Variants in SEC14L5 observed in about 807,000 individuals in gnomAD.
SEC14L5 encodes the protein SEC14-like protein 5.
A neutral mutation model predicts 84.6 loss-of-function variants in SEC14L5; 96 were observed. The ratio of observed to expected loss-of-function variants is 1.13; its 90% CI spans 0.96 to 1.34. SEC14L5 has a LOEUF of 1.34. Ranked by LOEUF, SEC14L5 falls within the 40% of genes most tolerant of loss-of-function variation. The pLI is 0.00. For missense variants in SEC14L5, 1,224 were observed against 942.5 expected, an observed-to-expected ratio of 1.30 and a Z score of -3.91; for synonymous variants, 546 against 383.4, an observed-to-expected ratio of 1.42 and a Z score of -4.95.
In SEC14L5 at chr16:5,003,579, A is replaced by G. The variant is rs1182569219; in HGVS notation, c.1302+6A>G. Reference sequence around the variant, plus strand: ...TCCCCGTGCTCTGGACACTGGTAAGAGCTGGAGCCTGGGCCAGGACTCTCC... The same window carrying G: ...TCCCCGTGCTCTGGACACTGGTAAGGGCTGGAGCCTGGGCCAGGACTCTCC... On this transcript the variant is annotated splice_donor_region_variant and intron_variant, in intron 11 of 15. Coordinates refer to ENST00000251170, the MANE Select transcript of SEC14L5 (RefSeq NM_014692.2). 8.5e-7 allele frequency: 1 copy of G among 1,177,140 alleles called. No individual in the cohort carries two copies. The highest frequency in any genetic ancestry group is 1.1e-6 in the Non-Finnish European group (1 of 895,340). 72.9% of individuals were successfully genotyped at this position (1,177,140 alleles called of 1,614,324 possible). A position where few individuals can be genotyped will look rare whatever the true frequency, so the allele number is the denominator to read the frequency against.
At position 5,003,470 on chromosome 16, in the gene SEC14L5, C is replaced by T; in HGVS notation, c.1199C>T (p.Ala400Val). 3.7e-6 allele frequency: 6 copies of T among 1,612,960 alleles called. No homozygotes were observed. In the South Asian group the frequency reaches 6.6e-5, roughly 18 times the overall value. The change falls in exon 11 of 16, where the codon GCC (alanine) becomes GTC (valine). Residue 400 changes from alanine to valine, a missense_variant. Transcript: ENST00000251170. ...CACCTGTGGCGGCCGGGGGTGAAGG[C>T]CCTGCTGCGGATGATTGAGGTGGTT... The part of the protein sequence containing the change: ...MRHLWRPGVK[A>V]LLRMIEVVED...
intron 11 of SEC14L5, among the ~76,000 whole-genome samples, chr16:5,005,649 C>G (rs949881537): frequency 6.6e-6 from 1 of 151,884 alleles, no homozygotes; most frequent in South Asian, 2.1e-4. Context: ...ATCACGAGGT[C>G]AGGAGATCGA....
rs1160099667 is a variant in SEC14L5 at position 5,003,493 on chromosome 16, G to C, written c.1222G>C (p.Val408Leu). The C allele has an allele frequency of 2.5e-6, 4 of 1,613,032 alleles. No individual in the cohort carries two copies. The highest frequency in any genetic ancestry group is 1.3e-5 in the African/African-American group (1 of 74,868). The stretch of plus-strand genomic sequence containing the variant: ...GGCCCTGCTGCGGATGATTGAGGTG[G>C]TTGAGGACAATTACCCAGAGACCCT... ...VKALLRMIEV[V>L]EDNYPETLGR... The change falls in exon 11 of 16, where the codon GTT becomes CTT. Residue 408 changes from valine (V) to leucine (L), a missense_variant. Transcript: ENST00000251170.
intron 12 of SEC14L5, among the ~76,000 whole-genome samples, chr16:5,006,322 G>A (rs1396139168): frequency 6.6e-6 from 1 of 152,206 alleles, no homozygotes; most frequent in Non-Finnish European, 1.5e-5. Context: ...CTAAAGATTA[G>A]GCCAGTCAAA....
chr16:4,969,680 G>A (rs1230712413), intron 2 of SEC14L5, among the ~76,000 whole-genome samples: 1 of 152,038 alleles, frequency 6.6e-6, no homozygotes, highest in Non-Finnish European at 1.5e-5. Context: ...TACTGTGACC[G>A]GCCTGATCTG....
chr16:4,987,508 G>GGGC, intron 2 of SEC14L5, 49 bp from the exon 3 acceptor site: 1 of 1,445,172 alleles, frequency 6.9e-7, no homozygotes. Context: ...GGGGGGGGGG[G>GGGC]TCCCTCTGCC....
At chr16:4,984,029 C>G (rs1271753933) in intron 2 of SEC14L5, among the ~76,000 whole-genome samples, 2 of 152,096 alleles carry the variant, frequency 1.3e-5, no homozygotes, top group African/African-American at 4.8e-5. Flanking sequence ...ATACAATTCA[C>G]ATATCATACA....
In SEC14L5 at chr16:5,008,329, G is replaced by A. The variant is rs1465928180; in HGVS notation, c.1573-92G>A. 3.4e-6 allele frequency: 3 copies of A among 887,610 alleles called. No individual in the cohort carries two copies. The Admixed American group carries it at 6.4e-5, about 19-fold the overall frequency. 55.0% of individuals were successfully genotyped at this position (887,610 alleles called of 1,614,324 possible). A position where few individuals can be genotyped will look rare whatever the true frequency, so the allele number is the denominator to read the frequency against. Reference sequence around the variant, plus strand: ...CGTGTGCCTGGGAAAGGAGACCCCAGGGGGCACCCACAGCCCCTCCTGCCA... The same window carrying A: ...CGTGTGCCTGGGAAAGGAGACCCCAAGGGGCACCCACAGCCCCTCCTGCCA... On this transcript the variant is annotated intron_variant, in intron 13 of 15. Coordinates refer to ENST00000251170, the MANE Select transcript of SEC14L5 (RefSeq NM_014692.2).
At position 5,000,759 on chromosome 16, in the gene SEC14L5, C is replaced by A; in HGVS notation, c.1059+16C>A. On this transcript the variant is annotated intron_variant, in intron 9 of 15. Coordinates refer to ENST00000251170, the MANE Select transcript of SEC14L5 (RefSeq NM_014692.2). ...GCTGCGGCATGTGAGTCAGGGGCCT[C>A]GTTCCTGGACGCCGTGCCTGGGGCC... The A allele has an allele frequency of 1.3e-6, 2 of 1,553,232 alleles. No homozygotes were observed. The highest frequency in any genetic ancestry group is 1.2e-5 in the South Asian group (1 of 84,250).
At chr16:4,988,989 A>G (rs935846773) in intron 4 of SEC14L5, among the ~76,000 whole-genome samples, 1 of 152,230 alleles carries the variant, frequency 6.6e-6, no homozygotes, top group African/African-American at 2.4e-5. Flanking sequence ...TGGTAGGGGC[A>G]CTGAAGCTGA....
chr16:4,971,993 A>T (rs1955285911), intron 2 of SEC14L5, among the ~76,000 whole-genome samples: 1 of 151,938 alleles, frequency 6.6e-6, no homozygotes, highest in African/African-American at 2.4e-5. Context: ...AATGCTTCTG[A>T]TAGGGCTGTA....
intron 14 of SEC14L5, among the ~76,000 whole-genome samples, chr16:5,009,898 C>T (rs1298443627): frequency 6.6e-6 from 1 of 151,924 alleles, no homozygotes; most frequent in African/African-American, 2.4e-5. Flanking sequence ...AAAATTGAAG[C>T]CGCAGGGAGA....
intron 10 of SEC14L5, among the ~76,000 whole-genome samples, chr16:5,001,309 A>C (rs574267056): frequency 1.1e-4 from 15 of 138,344 alleles, no homozygotes; most frequent in East Asian, 9.0e-4. Context: ...CCCAGGCTGG[A>C]GTGCAGCGGT....
chr16:4,999,077 T>C (rs1237570783), intron 8 of SEC14L5, among the ~76,000 whole-genome samples: 3 of 152,200 alleles, frequency 2.0e-5, no homozygotes, highest in Admixed American at 1.3e-4. Flanking sequence ...TTGTGGCCTA[T>C]TTAATGCCAC....
chr16:5,015,017 A>G lies in SEC14L5; in HGVS notation c.*47A>G. On this transcript the variant is annotated 3_prime_UTR_variant, in exon 16 of 16. Coordinates refer to ENST00000251170, the MANE Select transcript of SEC14L5 (RefSeq NM_014692.2). ...CGCCCGCTCGCCTCCAGTGTCCAGA[A>G]ATGTCCAGAATGAGAAGCCAGCTAA... The G allele has an allele frequency of 7.0e-7, 1 of 1,433,994 alleles. No individual in the cohort carries two copies. The highest frequency in any genetic ancestry group is 9.7e-7 in the Non-Finnish European group (1 of 1,029,500). The allele number at this position is 1,433,994 out of a possible 1,614,324, so 88.8% of individuals were successfully genotyped here.
chr16:4,996,294 G>A, intron 6 of SEC14L5, 54 bp from the exon 7 acceptor site: 2 of 1,079,586 alleles, frequency 1.9e-6, no homozygotes, highest in East Asian at 2.6e-5. Flanking sequence ...AGACCACATG[G>A]TAAAGAGACG....
At chr16:4,997,144 G>A (rs1259980214) in intron 8 of SEC14L5, 100 bp downstream of exon 8, 9 of 864,834 alleles carry the variant, frequency 1.0e-5, no homozygotes, top group Non-Finnish European at 1.5e-5. Flanking sequence ...TGTCACCCAG[G>A]CTGGAGTGCA....
At chr16:4,961,518 G>A (rs1435977929) in intron 2 of SEC14L5, among the ~76,000 whole-genome samples, 5 of 152,062 alleles carry the variant, frequency 3.3e-5, no homozygotes, top group Non-Finnish European at 5.9e-5. Context: ...CAGTATAGAC[G>A]GGGTTTCATC....
chr16:4,963,729 C>A (rs1955158845), intron 2 of SEC14L5, among the ~76,000 whole-genome samples: 1 of 152,218 alleles, frequency 6.6e-6, no homozygotes, highest in South Asian at 2.1e-4. Flanking sequence ...TCATGGCTCA[C>A]TGCAGCCTTG....
Sources: gnomAD v4.1 joint callset for allele counts (sites outside exome capture counted in the v4.1 genomes callset) on GRCh38, gnomAD v4.1.1 for gene constraint, MANE v1.5 for transcripts, NCBI Gene and HGNC (gene_info 2026-07-23, HGNC 2026-07-21) for gene names.